Variants in TRIM5 observed in about 807,000 individuals in gnomAD.
TRIM5 encodes tripartite motif-containing protein 5.
Under a neutral mutation model 35.6 loss-of-function variants are expected in TRIM5, and 31 were observed. The ratio of observed to expected loss-of-function variants is 0.87; its 90% CI spans 0.65 to 1.18. The LOEUF (loss-of-function observed/expected upper bound fraction) is 1.18. Ranked by LOEUF, TRIM5 falls within the 50% of genes most tolerant of loss-of-function variation. TRIM5 has a pLI of 0.00. For synonymous variants in TRIM5, 243 were observed against 215.6 expected, an observed-to-expected ratio of 1.13 and a Z score of -1.11; for missense variants, 609 against 591.6, an observed-to-expected ratio of 1.03 and a Z score of -0.31.
At chr11:5,632,539 G>A in the TRIM5 span, 1 of 1,613,906 alleles carries the variant, frequency 6.2e-7, no homozygotes, top group Non-Finnish European at 8.5e-7. Context: ...ACATCTACAG[G>A]CTAATCAGCA....
the TRIM5 span, among the ~76,000 whole-genome samples, chr11:5,657,299 C>G: frequency 6.6e-6 from 1 of 151,428 alleles, no homozygotes; most frequent in East Asian, 1.9e-4. Flanking sequence ...CATCACACAC[C>G]AGGGCCTTCG....
the TRIM5 span, among the ~76,000 whole-genome samples, chr11:5,646,362 C>T: frequency 6.6e-6 from 1 of 152,054 alleles, no homozygotes; most frequent in Non-Finnish European, 1.5e-5. Flanking sequence ...AATGAATTTG[C>T]GAATAATAGC....
chr11:5,643,125 A>ATT, the TRIM5 span: 683 of 974,568 alleles, frequency 7.0e-4, 8 homozygotes, highest in African/African-American at 0.014. Context: ...ATATATATAT[A>ATT]TTTTTTTTTT....
At chr11:5,680,285 A>G (rs1852333074) in intron 1 of TRIM5, 47 bp from the exon 2 acceptor site, 5 of 1,154,682 alleles carry the variant, frequency 4.3e-6, no homozygotes, top group Non-Finnish European at 6.0e-6. Context: ...GAAAGGTAGA[A>G]ATAGAAAGGA....
chr11:5,605,324 C>T, the TRIM5 span: 1 of 1,613,862 alleles, frequency 6.2e-7, no homozygotes, highest in Non-Finnish European at 8.5e-7. Context: ...CTTTTTCTTC[C>T]CTGTTCCTGA....
At chr11:5,604,063 C>A in the TRIM5 span, among the ~76,000 whole-genome samples, 2 of 151,900 alleles carry the variant, frequency 1.3e-5, no homozygotes, top group African/African-American at 2.4e-5. Flanking sequence ...TGGTGCGATC[C>A]CGGCTCACTG....
chr11:5,603,626 A>C, the TRIM5 span: 1 of 1,613,780 alleles, frequency 6.2e-7, no homozygotes, highest in South Asian at 1.1e-5. Context: ...GAAAAACTGC[A>C]GCTCTTCTGT....
downstream of TRIM5, among the ~76,000 whole-genome samples, chr11:5,661,318 G>A (rs1850819499): frequency 6.6e-6 from 1 of 151,852 alleles, no homozygotes; most frequent in Non-Finnish European, 1.5e-5. Context: ...TCATATAAAC[G>A]TTCTTTTACT....
chr11:5,627,259 A>G, the TRIM5 span, among the ~76,000 whole-genome samples: 2 of 152,162 alleles, frequency 1.3e-5, no homozygotes, highest in South Asian at 4.2e-4. Flanking sequence ...AGGCACCTGT[A>G]ATCCCAGCTA....
the TRIM5 span, among the ~76,000 whole-genome samples, chr11:5,597,519 A>C: frequency 6.6e-6 from 1 of 152,208 alleles, no homozygotes; most frequent in Non-Finnish European, 1.5e-5. Flanking sequence ...TAATAGGTTA[A>C]ATATAACCCT....
chr11:5,601,653 G>T, the TRIM5 span, among the ~76,000 whole-genome samples: 1 of 152,114 alleles, frequency 6.6e-6, no homozygotes, highest in East Asian at 1.9e-4. Context: ...AGCTACTCAG[G>T]AGGCTGAGGC....
At chr11:5,645,960 AAT>A in the TRIM5 span, 1 of 130,324 alleles carries the variant, frequency 7.7e-6, no homozygotes, top group Non-Finnish European at 1.5e-5. Flanking sequence ...AATGTATATT[AAT>A]ATGTGTATGT....
downstream of TRIM5, among the ~76,000 whole-genome samples, chr11:5,659,489 T>C (rs377640476): frequency 4.1e-4 from 63 of 152,362 alleles, no homozygotes; most frequent in African/African-American, 1.5e-3. Context: ...AGGTATAAGA[T>C]AACTTCAACT....
the TRIM5 span, among the ~76,000 whole-genome samples, chr11:5,624,667 A>G: frequency 4.1e-4 from 62 of 152,302 alleles, no homozygotes; most frequent in South Asian, 0.011. Context: ...TGTCCCATAC[A>G]TTGTAGAATG....
the TRIM5 span, among the ~76,000 whole-genome samples, chr11:5,648,296 G>A: frequency 2.6e-5 from 4 of 151,882 alleles, no homozygotes; most frequent in Admixed American, 2.6e-4. Flanking sequence ...CACGAGGTCA[G>A]GAGATCGAGA....
chr11:5,641,265 C>A, the TRIM5 span: 1 of 1,603,528 alleles, frequency 6.2e-7, no homozygotes, highest in South Asian at 1.1e-5. Context: ...ATTTGGTGGT[C>A]AATTGGAATA....
At position 5,665,203 on chromosome 11, in the gene TRIM5, A is replaced by T. The variant is rs774516819; in HGVS notation, c.1088T>A (p.Val363Glu). The change falls in exon 8 of 8, where the codon GTA becomes GAA. Residue 363 changes from valine (V) to glutamate (E), a missense_variant. By Grantham distance (121) the Val-to-Glu change is moderately radical (BLOSUM62 -2). Coordinates refer to ENST00000380034, the MANE Select transcript of TRIM5 (RefSeq NM_033034.3). ...CCAAGCAGTTTTCTTGGACACGTCT[A>T]CCTCCCAGTAATGTTTCCCTGATGT... Reference protein sequence around the residue: ...SITSGKHYWEVDVSKKTAWIL... With the variant: ...SITSGKHYWEEDVSKKTAWIL... The T allele has an allele frequency of 6.2e-7, 1 of 1,614,038 alleles. No individual in the cohort carries two copies. The highest frequency in any genetic ancestry group is 8.5e-7 in the Non-Finnish European group (1 of 1,179,984).
the TRIM5 span, chr11:5,632,417 A>G: frequency 1.9e-6 from 3 of 1,614,016 alleles, no homozygotes; most frequent in Non-Finnish European, 2.5e-6. Flanking sequence ...TTGAGTCTAG[A>G]CTGTGGCCAC....
chr11:5,605,273 T>C, the TRIM5 span: 2 of 1,609,020 alleles, frequency 1.2e-6, no homozygotes, highest in African/African-American at 2.7e-5. Context: ...ACTTCCCCGC[T>C]TTTAATAGAG....
Sources: allele counts gnomAD v4.1 joint callset (sites outside exome capture counted in the v4.1 genomes callset), GRCh38; gene constraint gnomAD v4.1.1; transcripts MANE v1.5; gene names NCBI Gene and HGNC (gene_info 2026-07-23, HGNC 2026-07-21).